The following RNF180 variants were observed in gnomAD, a reference collection of about 807,000 sequenced individuals.
The protein encoded by RNF180 is E3 ubiquitin-protein ligase RNF180.
In RNF180, 38 loss-of-function variants were observed where a neutral mutation model predicts 59.2. The ratio of observed to expected loss-of-function variants is 0.64; its 90% CI spans 0.50 to 0.84. The LOEUF (loss-of-function observed/expected upper bound fraction) is 0.84, where lower values mean the gene tolerates loss of function less well. Ranked by LOEUF, RNF180 falls within the 40% of genes least tolerant of loss-of-function variation. RNF180 has a pLI of 0.00. For missense variants in RNF180, 705 were observed against 700.9 expected (o/e 1.01, Z -0.07); for synonymous variants, 262 against 240.3 (o/e 1.09, Z -0.84).
intron 7 of RNF180, among the ~76,000 whole-genome samples, chr5:64,363,306 C>T (rs1012248455): frequency 2.7e-4 from 41 of 151,692 alleles, no homozygotes; most frequent in African/African-American, 9.0e-4. Flanking sequence ...CAGTCTTCTA[C>T]GTGTAGCAAG....
intron 5 of RNF180, among the ~76,000 whole-genome samples, chr5:64,313,051 G>A (rs184522592): frequency 2.6e-5 from 4 of 151,972 alleles, no homozygotes; most frequent in African/African-American, 9.7e-5. Context: ...TTGAATATTT[G>A]TATGTACATA....
intron 5 of RNF180, among the ~76,000 whole-genome samples, chr5:64,265,532 G>A (rs770915117): frequency 7.9e-5 from 12 of 152,100 alleles, no homozygotes; most frequent in Non-Finnish European, 1.3e-4. Context: ...AGATCAGATG[G>A]CTGTAGATGT....
At chr5:64,189,394 A>G (rs1260084870) in intron 1 of RNF180, among the ~76,000 whole-genome samples, 1 of 152,222 alleles carries the variant, frequency 6.6e-6, no homozygotes, top group Non-Finnish European at 1.5e-5. Context: ...GTTAAAGGTG[A>G]TTCTGGTGAA....
chr5:64,337,438 T>C (rs1284887379), intron 7 of RNF180, among the ~76,000 whole-genome samples: 1 of 152,218 alleles, frequency 6.6e-6, no homozygotes, highest in Admixed American at 6.5e-5. Flanking sequence ...TTTCTGAATA[T>C]TATACAATCT....
chr5:64,254,926 G>T (rs777186250), intron 5 of RNF180, among the ~76,000 whole-genome samples: 2 of 152,024 alleles, frequency 1.3e-5, no homozygotes, highest in African/African-American at 2.4e-5. Context: ...TTTCTCTTTG[G>T]GGGAGGAGAG....
At chr5:64,254,459 G>T (rs1026524553) in intron 5 of RNF180, among the ~76,000 whole-genome samples, 1 of 152,102 alleles carries the variant, frequency 6.6e-6, no homozygotes, top group Non-Finnish European at 1.5e-5. Context: ...GCCTTGGGGA[G>T]ATCAGGAAAT....
chr5:64,193,520 G>A (rs1486520158), intron 1 of RNF180, among the ~76,000 whole-genome samples: 2 of 152,110 alleles, frequency 1.3e-5, no homozygotes, highest in Non-Finnish European at 2.9e-5. Flanking sequence ...AAAGTTATCT[G>A]TTTTGAGAGG....
chr5:64,214,397 C>G lies in RNF180; in HGVS notation c.1071C>G (p.Phe357Leu), dbSNP rs1752503528. The change falls in exon 4 of 8, where the codon TTC becomes TTG. Residue 357 changes from phenylalanine to leucine, a missense_variant. Coordinates refer to ENST00000389100, the MANE Select transcript of RNF180 (RefSeq NM_001113561.2). ...AAGAGCACCTCTCCCCTCTGGACTT[C>G]CTGCACTCAGCCAATTTTTCATTGG... ...DQEEHLSPLD[F>L]LHSANFSLGS... The G allele has an allele frequency of 6.2e-7, 1 of 1,613,966 alleles. No homozygotes were observed. Among genetic ancestry groups the G allele is most frequent in the African/African-American group, 1.3e-5 (1 of 75,032 alleles).
intron 2 of RNF180, 90 bp downstream of exon 2, chr5:64,201,032 T>C: frequency 1.1e-6 from 1 of 910,262 alleles, no homozygotes; most frequent in South Asian, 2.4e-5. Flanking sequence ...TTCTCTACCT[T>C]ATTAAGAATA....
In RNF180 at chr5:64,192,903, G is replaced by GTATATATATATATATATATA. The variant is rs70983610; in HGVS notation, c.1-7888_1-7869dup. On this transcript the variant is annotated intron_variant, in intron 1 of 7. Coordinates refer to ENST00000389100, the MANE Select transcript of RNF180 (RefSeq NM_001113561.2). ...TGAATGCATGCAGAAAGTGTGGCATGTATATATATATATATATATATATAT... is the reference window on the plus strand; with the variant it reads ...TGAATGCATGCAGAAAGTGTGGCATGTATATATATATATATATATATATATATATATATATATATATATAT... Among the ~76,000 whole-genome samples, 222 of 93,820 alleles carry GTATATATATATATATATATA rather than the reference G, an allele frequency of 2.4e-3. 5 individuals are homozygous for GTATATATATATATATATATA. Among genetic ancestry groups the GTATATATATATATATATATA allele is most frequent in the Middle Eastern group, 5.4e-3 (1 of 186 alleles). 61.5% of individuals were successfully genotyped at this position (93,820 alleles called of 152,430 possible). A position where few individuals can be genotyped will look rare whatever the true frequency, so the allele number is the denominator to read the frequency against.
chr5:64,263,215 T>C (rs1744451687), intron 5 of RNF180, among the ~76,000 whole-genome samples: 1 of 152,210 alleles, frequency 6.6e-6, no homozygotes, highest in African/African-American at 2.4e-5. Flanking sequence ...TTAGAATTCA[T>C]TGTGCATTTG....
intron 5 of RNF180, among the ~76,000 whole-genome samples, chr5:64,224,900 C>G (rs1382767407): frequency 1.3e-5 from 2 of 152,150 alleles, no homozygotes; most frequent in African/African-American, 4.8e-5. Context: ...GCTCTCTTAC[C>G]CTTCCACCTT....
At chr5:64,243,611 T>G (rs761868216) in intron 5 of RNF180, among the ~76,000 whole-genome samples, 5 of 152,146 alleles carry the variant, frequency 3.3e-5, no homozygotes, top group African/African-American at 4.8e-5. Context: ...ACTTCTATAC[T>G]CCCATCACCC....
intron 6 of RNF180, among the ~76,000 whole-genome samples, chr5:64,327,998 C>T (rs2112530238): frequency 6.6e-6 from 1 of 152,094 alleles, no homozygotes; most frequent in Non-Finnish European, 1.5e-5. Context: ...TCTTGCTGAA[C>T]TGATTCCTTT....
At chr5:64,196,917 T>C (rs1751483881) in intron 1 of RNF180, among the ~76,000 whole-genome samples, 1 of 152,162 alleles carries the variant, frequency 6.6e-6, no homozygotes, top group Non-Finnish European at 1.5e-5. Flanking sequence ...TTGGAGAAGG[T>C]ATCTGAGTTC....
intron 7 of RNF180, among the ~76,000 whole-genome samples, chr5:64,342,867 A>G (rs543622431): frequency 1.6e-4 from 24 of 152,300 alleles, no homozygotes; most frequent in African/African-American, 5.3e-4. Flanking sequence ...CATTAAAGAA[A>G]TGAGGCAGCA....
chr5:64,241,661 A>G lies in RNF180; in HGVS notation c.1227+24265A>G, dbSNP rs1213693087. Among the ~76,000 whole-genome samples, 10 of 152,320 alleles carry G rather than the reference A, an allele frequency of 6.6e-5. No homozygotes were observed. In the South Asian group the frequency reaches 1.9e-3, roughly 28 times the overall value. On this transcript the variant is annotated intron_variant, in intron 5 of 7. Coordinates refer to ENST00000389100, the MANE Select transcript of RNF180 (RefSeq NM_001113561.2). ...CAATTTGAACAACTATCTGTGTACT[A>G]AAATATCTTCATAAGAGCTAAGGAA... is the stretch of plus-strand genomic sequence containing the variant.
At chr5:64,253,708 A>G (rs2112286221) in intron 5 of RNF180, among the ~76,000 whole-genome samples, 1 of 152,234 alleles carries the variant, frequency 6.6e-6, no homozygotes, top group South Asian at 2.1e-4. Flanking sequence ...TAGTACTAGA[A>G]TAACTTTCAT....
chr5:64,221,295 G>A (rs1220866107), intron 5 of RNF180, among the ~76,000 whole-genome samples: 1 of 151,942 alleles, frequency 6.6e-6, no homozygotes, highest in African/African-American at 2.4e-5. Context: ...TGACAATTTT[G>A]AGTTTATAAT....
Sources: allele counts gnomAD v4.1 joint callset (sites outside exome capture counted in the v4.1 genomes callset), GRCh38; gene constraint gnomAD v4.1.1; transcripts MANE v1.5; gene names NCBI Gene and HGNC (gene_info 2026-07-23, HGNC 2026-07-21).